Variants in HMGA2 observed in about 807,000 individuals in gnomAD.
HMGA2 encodes high mobility group AT-hook 2.
Under a neutral mutation model 19.1 loss-of-function variants are expected in HMGA2, and 8 were observed. The ratio of observed to expected loss-of-function variants is 0.42; its 90% CI spans 0.25 to 0.76. HMGA2 has a LOEUF of 0.76. HMGA2 is among the 30% of genes least tolerant of loss of function. The pLI, the probability that HMGA2 is intolerant of heterozygous loss-of-function variation, is 0.28. For synonymous variants in HMGA2, 60 were observed against 48.8 expected (o/e 1.23, Z -0.96); for missense variants, 109 against 136.3 (o/e 0.80, Z 1.00).
intron 3 of HMGA2, among the ~76,000 whole-genome samples, chr12:65,927,587 G>A (rs1875551824): frequency 6.6e-6 from 1 of 152,158 alleles, no homozygotes; most frequent in Non-Finnish European, 1.5e-5. Flanking sequence ...ATTTGAGATG[G>A]AGAAATGGAA....
intron 3 of HMGA2, among the ~76,000 whole-genome samples, chr12:65,874,665 C>A (rs1243002141): frequency 2.0e-5 from 3 of 152,166 alleles, no homozygotes; most frequent in Admixed American, 6.5e-5. Flanking sequence ...CCCGCAGAAC[C>A]ACCTTAAGAC....
Position 65,825,257 on chromosome 12 carries a change from C to A in HMGA2, c.-14C>A, listed in dbSNP as rs1327314772. 3.3e-6 allele frequency: 5 copies of A among 1,523,976 alleles called. No homozygotes were observed. Among genetic ancestry groups the A allele is most frequent in the Middle Eastern group, 4.0e-4 (2 of 4,988 alleles). 94.4% of individuals were successfully genotyped at this position (1,523,976 alleles called of 1,614,324 possible). On this transcript the variant is annotated 5_prime_UTR_variant, in exon 1 of 5. Coordinates refer to ENST00000403681, the MANE Select transcript of HMGA2 (RefSeq NM_003483.6). This position sits in a 1 kb window ranked among gnomAD's most constrained non-coding sequence, Gnocchi z 4.4. ...GAAGCGGCTGCAGCGGCGGTAGCGG[C>A]GGCGGGAGGCAGGATGAGCGCACGC... is the stretch of plus-strand genomic sequence containing the variant.
At chr12:65,917,526 C>T (rs1236642569) in intron 3 of HMGA2, among the ~76,000 whole-genome samples, 1 of 152,044 alleles carries the variant, frequency 6.6e-6, no homozygotes, top group East Asian at 1.9e-4. Flanking sequence ...CTGAATCAAG[C>T]AAGTAAGCAG....
intron 3 of HMGA2, among the ~76,000 whole-genome samples, chr12:65,904,193 G>T (rs1592434587): frequency 6.6e-6 from 1 of 152,094 alleles, no homozygotes; most frequent in African/African-American, 2.4e-5. Flanking sequence ...TTAACTCATG[G>T]GTTGAGAGGC....
intron 3 of HMGA2, among the ~76,000 whole-genome samples, chr12:65,854,266 T>G (rs577659076): frequency 1.4e-4 from 22 of 152,348 alleles, no homozygotes; most frequent in Admixed American, 1.4e-3. Context: ...TACACATTTA[T>G]GTTTTTCAAA....
intron 3 of HMGA2, among the ~76,000 whole-genome samples, chr12:65,849,336 T>C (rs1033837607): frequency 3.9e-5 from 6 of 152,208 alleles, no homozygotes; most frequent in Non-Finnish European, 7.3e-5. Flanking sequence ...GCCATCTCTG[T>C]GTCCCCTCAT....
At chr12:65,845,729 C>T (rs1368638835) in intron 3 of HMGA2, among the ~76,000 whole-genome samples, 1 of 152,176 alleles carries the variant, frequency 6.6e-6, no homozygotes, top group East Asian at 1.9e-4. Flanking sequence ...GGCTGAATAC[C>T]TTTGGGCAGG....
intron 3 of HMGA2, among the ~76,000 whole-genome samples, chr12:65,921,340 A>T (rs1875300755): frequency 6.6e-6 from 1 of 152,058 alleles, no homozygotes. Flanking sequence ...GCTCACTGCA[A>T]GCTCCGCCTC....
intron 3 of HMGA2, among the ~76,000 whole-genome samples, chr12:65,911,827 A>G (rs908158461): frequency 3.9e-5 from 6 of 152,206 alleles, no homozygotes; most frequent in Non-Finnish European, 7.3e-5. Flanking sequence ...GTAAATGATC[A>G]GTATTGTTGA....
chr12:65,828,248 T>G (rs574588253), intron 2 of HMGA2, 161 bp downstream of exon 2: 1 of 655,408 alleles, frequency 1.5e-6, no homozygotes, highest in African/African-American at 1.8e-5. Flanking sequence ...CGAGTTAACC[T>G]TTTTTGTAAG....
intron 3 of HMGA2, chr12:65,842,669 AAAG>A: frequency 6.5e-7 from 1 of 1,531,182 alleles, no homozygotes; most frequent in Admixed American, 2.0e-5. Flanking sequence ...ATCAGTTTGA[AAAG>A]AAGTATTTCT....
At position 65,836,203 on chromosome 12, in the gene HMGA2, CA is replaced by C. The variant is rs1279448307; in HGVS notation, c.199-2310del. Among the ~76,000 whole-genome samples the C allele has an allele frequency of 6.6e-5, 10 of 151,802 alleles. No individual in the cohort carries two copies. The East Asian group carries it at 1.9e-3, about 29-fold the overall frequency. ...TGAAACCCCGTCTCTACTAAAAATA[CA>C]AAAAATTAGCCGGGTGTGGTGGCAG... On this transcript the variant is annotated intron_variant, in intron 2 of 4. Coordinates refer to ENST00000403681, the MANE Select transcript of HMGA2 (RefSeq NM_003483.6).
chr12:65,954,601 TGCATAC>T (rs752962301), intron 4 of HMGA2: 11 of 152,178 alleles, frequency 7.2e-5, no homozygotes, highest in Non-Finnish European at 1.5e-4. Flanking sequence ...TCTCAGCACC[TGCATAC>T]GCACTTGTGT....
intron 3 of HMGA2, chr12:65,915,181 G>C: frequency 6.2e-7 from 1 of 1,610,582 alleles, no homozygotes; most frequent in Non-Finnish European, 8.5e-7. Context: ...TTCACCTTGA[G>C]GAATTGTCCA....
intron 3 of HMGA2, among the ~76,000 whole-genome samples, chr12:65,907,353 C>T (rs1385163188): frequency 1.4e-5 from 2 of 145,664 alleles, no homozygotes; most frequent in African/African-American, 2.6e-5. Flanking sequence ...GAGGTTGCAG[C>T]GAACCAAGAT....
At chr12:65,892,284 A>G (rs1183679916) in intron 3 of HMGA2, among the ~76,000 whole-genome samples, 1 of 152,194 alleles carries the variant, frequency 6.6e-6, no homozygotes, top group African/African-American at 2.4e-5. Flanking sequence ...CTCATTTTCA[A>G]ACATCACATT....
At chr12:65,915,383 T>C (rs942794676) in intron 3 of HMGA2, 8 of 1,304,264 alleles carry the variant, frequency 6.1e-6, no homozygotes, top group African/African-American at 6.0e-5. Context: ...TCTAGGCACA[T>C]GCAGAGCCAT....
At chr12:65,869,006 T>G (rs1872575725) in intron 3 of HMGA2, among the ~76,000 whole-genome samples, 1 of 152,194 alleles carries the variant, frequency 6.6e-6, no homozygotes, top group Non-Finnish European at 1.5e-5. Flanking sequence ...CCTCTACTTA[T>G]GCTTTAAGAG....
At chr12:65,846,276 G>C (rs1157924112) in intron 3 of HMGA2, among the ~76,000 whole-genome samples, 5 of 152,152 alleles carry the variant, frequency 3.3e-5, no homozygotes, top group African/African-American at 2.4e-5. Context: ...CTTAGTAAAC[G>C]ATGAATGGCT....
Sources: allele counts gnomAD v4.1 joint callset (sites outside exome capture counted in the v4.1 genomes callset), GRCh38; gene constraint gnomAD v4.1.1; non-coding constraint Gnocchi (gnomAD v3.1); transcripts MANE v1.5; gene names NCBI Gene and HGNC (gene_info 2026-07-23, HGNC 2026-07-21).